Variants in PDCD1LG2 observed in about 807,000 individuals in gnomAD.
PDCD1LG2 encodes the protein programmed cell death 1 ligand 2.
PDCD1LG2 carries 32 observed loss-of-function variants against 28.2 expected under a neutral mutation model. That is an observed-to-expected ratio of 1.13 (90% confidence interval 0.86 to 1.52). The LOEUF is 1.52. PDCD1LG2 is among the 40% of genes most tolerant of loss of function. The pLI, the probability that PDCD1LG2 is intolerant of heterozygous loss-of-function variation, is 0.00. For synonymous variants in PDCD1LG2, 116 were observed against 120.2 expected (o/e 0.97, Z 0.23); for missense variants, 385 against 323.8 (o/e 1.19, Z -1.45).
In PDCD1LG2 at chr9:5,522,533, A is replaced by G. The variant is rs199824030; in HGVS notation, c.-14A>G. ...TGAGACTTTCAATTGTCTATTTCAG[A>G]TCAAATACAGAACATGATCTTCCTC... On this transcript the variant is annotated splice_region_variant and 5_prime_UTR_variant, in exon 2 of 7. The change creates a new upstream start codon in the 5' untranslated region. Transcript: ENST00000397747. 4.6e-5 allele frequency: 74 copies of G among 1,612,640 alleles called. No individual in the cohort carries two copies. Among genetic ancestry groups the G allele is most frequent in the Non-Finnish European group, 5.9e-5 (70 of 1,179,126 alleles).
At chr9:5,528,914 G>C (rs1435644076) in intron 2 of PDCD1LG2, among the ~76,000 whole-genome samples, 1 of 152,116 alleles carries the variant, frequency 6.6e-6, no homozygotes, top group African/African-American at 2.4e-5. Context: ...ATTTTCAGTA[G>C]AGTCGGGGTT....
intron 1 of PDCD1LG2, among the ~76,000 whole-genome samples, chr9:5,521,548 C>T (rs1452661866): frequency 6.6e-6 from 1 of 152,162 alleles, no homozygotes; most frequent in Non-Finnish European, 1.5e-5. Flanking sequence ...TTTCTGCAAA[C>T]ACATTCCTAA....
At chr9:5,525,765 G>A (rs1381961062) in intron 2 of PDCD1LG2, among the ~76,000 whole-genome samples, 1 of 151,896 alleles carries the variant, frequency 6.6e-6, no homozygotes, top group Non-Finnish European at 1.5e-5. Context: ...AAGTAAAGAA[G>A]AGGCCGGGCA....
intron 1 of PDCD1LG2, among the ~76,000 whole-genome samples, chr9:5,516,457 G>A (rs1820166022): frequency 1.3e-5 from 2 of 152,248 alleles, no homozygotes; most frequent in Admixed American, 1.3e-4. Flanking sequence ...ACCCCAGGCT[G>A]TGGACTCCAC....
At chr9:5,542,290 G>C (rs1011491566) in intron 3 of PDCD1LG2, among the ~76,000 whole-genome samples, 1 of 152,106 alleles carries the variant, frequency 6.6e-6, no homozygotes, top group African/African-American at 2.4e-5. Flanking sequence ...TCGTGACCAA[G>C]AACCCAAAAG....
chr9:5,539,139 T>A (rs1820640701), intron 3 of PDCD1LG2, among the ~76,000 whole-genome samples: 1 of 152,280 alleles, frequency 6.6e-6, no homozygotes, highest in Admixed American at 6.5e-5. Flanking sequence ...ACTAAAAAAA[T>A]TCATAAGATG....
At chr9:5,530,200 T>C (rs935812801) in intron 2 of PDCD1LG2, among the ~76,000 whole-genome samples, 15 of 152,188 alleles carry the variant, frequency 9.9e-5, no homozygotes, top group African/African-American at 3.6e-4. Context: ...CCAAGAATTT[T>C]TGAAATGCAT....
At chr9:5,554,105 G>A (rs1816390392) in intron 4 of PDCD1LG2, among the ~76,000 whole-genome samples, 1 of 152,090 alleles carries the variant, frequency 6.6e-6, no homozygotes, top group African/African-American at 2.4e-5. Context: ...CCATTTGTTT[G>A]CCTTGTAACT....
chr9:5,534,654 T>C, intron 2 of PDCD1LG2, 91 bp from the exon 3 acceptor site: 2 of 1,184,830 alleles, frequency 1.7e-6, no homozygotes, highest in Admixed American at 2.4e-5. Context: ...TTTTGGAAAA[T>C]GGGGGTGAGA....
intron 2 of PDCD1LG2, among the ~76,000 whole-genome samples, chr9:5,525,779 T>A (rs1048437527): frequency 1.3e-5 from 2 of 152,134 alleles, no homozygotes; most frequent in African/African-American, 4.8e-5. Flanking sequence ...CCGGGCATGG[T>A]GGCTCACGCC....
Position 5,570,752 on chromosome 9 carries a change from G to A in PDCD1LG2, c.*793G>A, listed in dbSNP as rs1816755015. 4.3e-6 allele frequency: 1 copy of A among 231,548 alleles called. No individual in the cohort carries two copies. Among genetic ancestry groups the A allele is most frequent in the East Asian group, 6.1e-5 (1 of 16,304 alleles). 14.3% of individuals were successfully genotyped at this position (231,548 alleles called of 1,614,324 possible). On this transcript the variant is annotated 3_prime_UTR_variant, in exon 7 of 7. Coordinates refer to ENST00000397747, the MANE Select transcript of PDCD1LG2 (RefSeq NM_025239.4). ...TCAAAAATATTTGATATGCTCATAC[G>A]TTGTATCTGCAGCAATTTCAGATAA...
intron 2 of PDCD1LG2, among the ~76,000 whole-genome samples, chr9:5,530,225 T>C (rs983075982): frequency 3.3e-5 from 5 of 152,224 alleles, no homozygotes. Context: ...CTAGGTGTTC[T>C]AATCTAGCAA....
intron 2 of PDCD1LG2, among the ~76,000 whole-genome samples, chr9:5,533,330 C>A (rs1186276078): frequency 1.3e-5 from 2 of 152,070 alleles, no homozygotes; most frequent in Non-Finnish European, 2.9e-5. Context: ...TTGGCCACTC[C>A]TTATGCTTTT....
chr9:5,542,086 T>C (rs1415335028), intron 3 of PDCD1LG2, among the ~76,000 whole-genome samples: 1 of 152,062 alleles, frequency 6.6e-6, no homozygotes, highest in Non-Finnish European at 1.5e-5. Flanking sequence ...GTGGGGAAAG[T>C]ACATCCTATT....
intron 5 of PDCD1LG2, among the ~76,000 whole-genome samples, chr9:5,561,730 T>A (rs1429493485): frequency 2.6e-5 from 4 of 152,152 alleles, no homozygotes; most frequent in Non-Finnish European, 4.4e-5. Context: ...AAGGAACAGT[T>A]ATCATCATAG....
intron 3 of PDCD1LG2, 30 bp from the exon 4 acceptor site, chr9:5,549,305 T>G: frequency 6.3e-7 from 1 of 1,579,228 alleles, no homozygotes; most frequent in Non-Finnish European, 8.6e-7. Context: ...GAAAATAAAG[T>G]CTTATTTCTT....
At chr9:5,511,739 C>A (rs1050547746) in intron 1 of PDCD1LG2, among the ~76,000 whole-genome samples, 1 of 152,172 alleles carries the variant, frequency 6.6e-6, no homozygotes, top group African/African-American at 2.4e-5. Flanking sequence ...GCCACTGGAA[C>A]CTGATCTATT....
At chr9:5,528,902 G>A (rs1213334088) in intron 2 of PDCD1LG2, among the ~76,000 whole-genome samples, 1 of 152,088 alleles carries the variant, frequency 6.6e-6, no homozygotes, top group Non-Finnish European at 1.5e-5. Context: ...GCTTATGTTT[G>A]TATTTTCAGT....
At position 5,534,936 on chromosome 9, in the gene PDCD1LG2, G is replaced by C. The variant is rs1368529592; in HGVS notation, c.247G>C (p.Gly83Arg). 4 of 1,614,092 alleles carry C rather than the reference G, an allele frequency of 2.5e-6. No individual in the cohort carries two copies. The highest frequency in any genetic ancestry group is 1.7e-5 in the Admixed American group (1 of 60,022). Residue 83 changes from glycine to arginine, a missense_variant, in exon 3 of 7, where the codon GGG (glycine) becomes CGG (arginine). Physicochemically the swap from Gly to Arg is moderately radical, Grantham distance 125 (BLOSUM62 -2). Transcript: ENST00000397747. ...ATLLEEQLPL[G>R]KASFHIPQVQ... ...TTTGCTGGAGGAGCAGCTGCCCCTA[G>C]GGAAGGCCTCGTTCCACATACCTCA...
Sources: gnomAD v4.1 joint callset for allele counts (sites outside exome capture counted in the v4.1 genomes callset) on GRCh38, gnomAD v4.1.1 for gene constraint, MANE v1.5 for transcripts, NCBI Gene and HGNC (gene_info 2026-07-23, HGNC 2026-07-21) for gene names.